NOX3: variants seen among roughly 807,000 people sequenced by gnomAD.
NOX3 encodes the protein NADPH oxidase 3, also known as NADPH oxidase catalytic subunit-like 3.
In NOX3, 74 loss-of-function variants were observed where a neutral mutation model predicts 76.7. That is an observed-to-expected ratio of 0.96 (90% CI 0.80 to 1.17). The LOEUF is 1.17. NOX3 is among the 50% of genes most tolerant of loss of function. NOX3 has a pLI of 0.00. For synonymous variants in NOX3, 263 were observed against 261.1 expected (o/e 1.01, Z -0.07); for missense variants, 695 against 703.3 (o/e 0.99, Z 0.13).
At chr6:155,445,969 A>ATATATATGCTAT (rs1380551108) in intron 4 of NOX3, among the ~76,000 whole-genome samples, 2 of 96,664 alleles carry the variant, frequency 2.1e-5, no homozygotes, top group African/African-American at 8.3e-5. Context: ...ATATATATAT[A>ATATATATGCTAT]ATATATATAT....
chr6:155,453,786 A>C (rs1582951126), intron 3 of NOX3, among the ~76,000 whole-genome samples: 2 of 152,190 alleles, frequency 1.3e-5, no homozygotes, highest in Non-Finnish European at 2.9e-5. Flanking sequence ...ATTTAAGGTA[A>C]TAGCCATCAT....
intron 6 of NOX3, 152 bp from the exon 7 acceptor site, chr6:155,436,699 A>C (rs187022628): frequency 1.3e-6 from 1 of 770,064 alleles, no homozygotes. Context: ...CATTTCCCCC[A>C]GCTTCTTTAA....
Position 155,422,790 on chromosome 6 carries a change from G to GCACA in NOX3, c.1208_1211dup (p.Ala406ArgfsTer23). ...GAGTGACTCCGATCCCCGCGGCAAC[G>GCACA]CACACACACACTGGGTAGTGAAATA... is the stretch of plus-strand genomic sequence containing the variant. On this transcript the variant is annotated frameshift_variant, in exon 10 of 14. Coordinates refer to ENST00000159060, the MANE Select transcript of NOX3 (RefSeq NM_015718.3). LOFTEE classifies it high-confidence loss of function. 1 of 1,613,926 alleles carries GCACA rather than the reference G, an allele frequency of 6.2e-7. No homozygotes were observed.
rs78329441 is a variant in NOX3 at position 155,432,179 on chromosome 6, A to G, written c.799-1244T>C. Among the ~76,000 whole-genome samples the G allele has an allele frequency of 7.8e-3, 1,189 of 152,240 alleles. 14 individuals carry two copies. Among genetic ancestry groups the G allele is most frequent in the African/African-American group, 0.025 (1,056 of 41,540 alleles). On this transcript the variant is annotated intron_variant, in intron 7 of 13. Transcript: ENST00000159060. Reference sequence around the variant, plus strand: ...GTCAGGGTAAATTACTCTATCCATCATCTCAAACACTGATTATTTCTTTGT... The same window carrying G: ...GTCAGGGTAAATTACTCTATCCATCGTCTCAAACACTGATTATTTCTTTGT...
intron 12 of NOX3, among the ~76,000 whole-genome samples, chr6:155,405,892 G>A (rs1268617772): frequency 6.6e-6 from 1 of 152,154 alleles, no homozygotes; most frequent in African/African-American, 2.4e-5. Context: ...GCTCAAACCT[G>A]TAAGTGCCTT....
intron 12 of NOX3, among the ~76,000 whole-genome samples, chr6:155,398,139 ATTAG>A (rs1259773987): frequency 6.6e-6 from 1 of 152,208 alleles, no homozygotes; most frequent in Non-Finnish European, 1.5e-5. Context: ...TATAAGCTGA[ATTAG>A]TTACTCTAGT....
At chr6:155,399,616 C>A (rs1425640755) in intron 12 of NOX3, among the ~76,000 whole-genome samples, 1 of 152,172 alleles carries the variant, frequency 6.6e-6, no homozygotes, top group Non-Finnish European at 1.5e-5. Context: ...CTGGCTTACT[C>A]TTCTCGGCAT....
intron 9 of NOX3, among the ~76,000 whole-genome samples, chr6:155,428,467 G>A (rs758933257): frequency 2.0e-5 from 3 of 152,056 alleles, no homozygotes; most frequent in Non-Finnish European, 4.4e-5. Context: ...AGAAAAAAAT[G>A]CCCAGAGTTG....
chr6:155,434,485 C>G (rs1315368415), intron 7 of NOX3, among the ~76,000 whole-genome samples: 1 of 152,130 alleles, frequency 6.6e-6, no homozygotes, highest in South Asian at 2.1e-4. Flanking sequence ...TAGGAAGCGT[C>G]CCTGGGAAGG....
chr6:155,409,954 G>T (rs1425884604), intron 11 of NOX3, among the ~76,000 whole-genome samples: 1 of 152,048 alleles, frequency 6.6e-6, no homozygotes, highest in Non-Finnish European at 1.5e-5. Context: ...GGAATACCTA[G>T]GTGCACACTG....
chr6:155,448,368 C>T (rs950633779), intron 4 of NOX3, among the ~76,000 whole-genome samples: 19 of 152,178 alleles, frequency 1.2e-4, no homozygotes, highest in East Asian at 3.8e-4. Flanking sequence ...GTAAATCCAA[C>T]GCCATTAGCT....
intron 12 of NOX3, among the ~76,000 whole-genome samples, chr6:155,397,479 C>T (rs1403739979): frequency 6.6e-6 from 1 of 152,160 alleles, no homozygotes; most frequent in East Asian, 1.9e-4. Flanking sequence ...AGAACATAAA[C>T]CTGGTCTGTT....
chr6:155,424,532 G>A (rs372426164), intron 9 of NOX3, among the ~76,000 whole-genome samples: 22 of 152,184 alleles, frequency 1.4e-4, no homozygotes, highest in Non-Finnish European at 2.2e-4. Flanking sequence ...TGAAGACACC[G>A]GAGGTTGGCC....
chr6:155,407,925 G>A (rs1248307225), intron 11 of NOX3, among the ~76,000 whole-genome samples: 1 of 152,150 alleles, frequency 6.6e-6, no homozygotes, highest in Non-Finnish European at 1.5e-5. Flanking sequence ...ATAAATGACA[G>A]CCCACAGCAT....
At chr6:155,419,192 C>G (rs1012554671) in intron 10 of NOX3, among the ~76,000 whole-genome samples, 5 of 152,204 alleles carry the variant, frequency 3.3e-5, no homozygotes, top group African/African-American at 1.2e-4. Flanking sequence ...AGTAGCTATA[C>G]TCAAACCAAC....
rs565769006 is a variant in NOX3, at chr6:155,443,716, G to T, written c.341-298C>A. Among the ~76,000 whole-genome samples the T allele has an allele frequency of 5.9e-5, 9 of 151,750 alleles. No homozygotes were observed. The South Asian group carries it at 1.9e-3, about 32-fold the overall frequency. ...GTGGAATAAATGTTATGATATCTCA[G>T]CATAATTATATATGAAATAATTCTA... On this transcript the variant is annotated intron_variant, in intron 4 of 13. Coordinates refer to ENST00000159060, the MANE Select transcript of NOX3 (RefSeq NM_015718.3).
At chr6:155,422,919 C>T in intron 9 of NOX3, 63 bp from the exon 10 acceptor site, 1 of 1,548,840 alleles carries the variant, frequency 6.5e-7, no homozygotes. Flanking sequence ...GAACCCAGAA[C>T]CATCCGGAGC....
intron 12 of NOX3, among the ~76,000 whole-genome samples, chr6:155,398,365 T>C (rs982228323): frequency 2.6e-5 from 4 of 152,178 alleles, no homozygotes; most frequent in African/African-American, 9.7e-5. Flanking sequence ...CATCTCTGTT[T>C]CTTCAGACAT....
chr6:155,433,793 G>T (rs1171825126), intron 7 of NOX3, among the ~76,000 whole-genome samples: 2 of 152,150 alleles, frequency 1.3e-5, no homozygotes, highest in Non-Finnish European at 2.9e-5. Flanking sequence ...TGTGACCATG[G>T]GTAAGACACT....
Sources: gnomAD v4.1 joint callset for allele counts (sites outside exome capture counted in the v4.1 genomes callset) on GRCh38, gnomAD v4.1.1 for gene constraint, MANE v1.5 for transcripts, NCBI Gene and HGNC (gene_info 2026-07-23, HGNC 2026-07-21) for gene names.